Variants in WDFY4 observed in about 807,000 individuals in gnomAD.
WDFY4 encodes the protein WD repeat- and FYVE domain-containing protein 4.
Under a neutral mutation model 351.9 loss-of-function variants are expected in WDFY4, and 169 were observed. The ratio of observed to expected loss-of-function variants is 0.48; its 90% confidence interval spans 0.42 to 0.55. The LOEUF (loss-of-function observed/expected upper bound fraction) is 0.55. Ranked by LOEUF, WDFY4 falls within the 20% of genes least tolerant of loss-of-function variation. WDFY4 has a pLI of 0.00. For synonymous variants in WDFY4, 1,622 were observed against 1,574.6 expected (o/e 1.03, Z -0.71); for missense variants, 3,803 against 3,935.6 (o/e 0.97, Z 0.90).
At chr10:48,808,891 G>T (rs2067346242) in intron 28 of WDFY4, among the ~76,000 whole-genome samples, 1 of 152,186 alleles carries the variant, frequency 6.6e-6, no homozygotes, top group Non-Finnish European at 1.5e-5. Context: ...CTTAAGCCCT[G>T]TATGCCTCTC....
At chr10:48,905,066 T>C (rs1837549139) in intron 47 of WDFY4, among the ~76,000 whole-genome samples, 1 of 152,222 alleles carries the variant, frequency 6.6e-6, no homozygotes, top group African/African-American at 2.4e-5. Context: ...TGGGCTCCAT[T>C]GTCTCTGCAG....
chr10:48,711,176 G>C (rs117313508), intron 2 of WDFY4, among the ~76,000 whole-genome samples: 41 of 152,286 alleles, frequency 2.7e-4, no homozygotes, highest in African/African-American at 6.3e-4. Flanking sequence ...TTAGAATCTT[G>C]TTGGGAACAC....
intron 40 of WDFY4, among the ~76,000 whole-genome samples, chr10:48,871,028 G>A (rs374493285): frequency 7.9e-5 from 12 of 152,134 alleles, no homozygotes; most frequent in South Asian, 2.1e-4. Context: ...CCGCCTTCCC[G>A]GTTCACACCA....
chr10:48,770,446 G>A (rs949576196), intron 13 of WDFY4, among the ~76,000 whole-genome samples: 1 of 152,172 alleles, frequency 6.6e-6, no homozygotes, highest in African/African-American at 2.4e-5. Flanking sequence ...AATACATTGT[G>A]ATGTTATTTT....
intron 4 of WDFY4, among the ~76,000 whole-genome samples, chr10:48,721,916 A>T (rs1219684884): frequency 6.6e-6 from 1 of 152,088 alleles, no homozygotes; most frequent in Non-Finnish European, 1.5e-5. Flanking sequence ...CCCTGTAGGT[A>T]CCTGTCTCGC....
intron 47 of WDFY4, among the ~76,000 whole-genome samples, chr10:48,928,778 C>T (rs1398182651): frequency 6.6e-6 from 1 of 152,202 alleles, no homozygotes; most frequent in Non-Finnish European, 1.5e-5. Context: ...GACCGCCTAT[C>T]ACCTGGGAAG....
At chr10:48,734,362 G>A (rs989699542) in intron 10 of WDFY4, among the ~76,000 whole-genome samples, 1 of 151,860 alleles carries the variant, frequency 6.6e-6, no homozygotes, top group Non-Finnish European at 1.5e-5. Flanking sequence ...TTTTTTTTTA[G>A]ATCCAAAGAG....
chr10:48,887,141 G>C (rs550601223), intron 43 of WDFY4, among the ~76,000 whole-genome samples: 2 of 152,342 alleles, frequency 1.3e-5, no homozygotes, highest in South Asian at 4.1e-4. Context: ...CTTCCCAAAG[G>C]GAAGCACCAG....
chr10:48,729,683 C>A lies in WDFY4; in HGVS notation c.1129+94C>A, dbSNP rs1035074042. On this transcript the variant is annotated intron_variant, in intron 8 of 61. Coordinates refer to ENST00000325239, the MANE Select transcript of WDFY4 (RefSeq NM_001394531.1). Reference sequence around the variant, plus strand: ...TTCTCCTGATTCTTTGTGTACCTTTCAATGGTGCAGTAGGCTCTGATTCTG... The same window carrying A: ...TTCTCCTGATTCTTTGTGTACCTTTAAATGGTGCAGTAGGCTCTGATTCTG... The A allele has an allele frequency of 4.8e-6, 7 of 1,450,890 alleles. No individual in the cohort carries two copies. In the East Asian group the frequency reaches 1.2e-4, roughly 26 times the overall value. The allele number at this position is 1,450,890 out of a possible 1,614,324, so 89.9% of individuals were successfully genotyped here.
intron 20 of WDFY4, among the ~76,000 whole-genome samples, chr10:48,787,953 T>TCTTCTC (rs2066529614): frequency 1.1e-5 from 1 of 93,540 alleles, no homozygotes; most frequent in East Asian, 4.6e-4. Context: ...TTCTTCTTCT[T>TCTTCTC]CTTCTTCTTC....
At chr10:48,787,923 TC>T (rs1415008282) in intron 20 of WDFY4, among the ~76,000 whole-genome samples, 3 of 76,222 alleles carry the variant, frequency 3.9e-5, no homozygotes, top group Admixed American at 1.5e-4. Flanking sequence ...TTCTTCTTCT[TC>T]TTCTTCTTCT....
chr10:48,871,038 A>G (rs963842228), intron 40 of WDFY4, among the ~76,000 whole-genome samples: 2 of 151,774 alleles, frequency 1.3e-5, no homozygotes, highest in African/African-American at 4.8e-5. Context: ...GGTTCACACC[A>G]TTCTCCTGCC....
chr10:48,786,846 A>G lies in WDFY4; in HGVS notation c.3784A>G (p.Asn1262Asp). The change falls in exon 20 of 62, where the codon AAC becomes GAC. Residue 1262 changes from asparagine (N) to aspartate (D), a missense_variant. By Grantham distance (23) the Asn-to-Asp change is conservative. Around this residue, in one of 3 missense-constraint regions of WDFY4, gnomAD observed 3,054 missense variants for 3,148.6 expected, o/e 0.97. Coordinates refer to ENST00000325239, the MANE Select transcript of WDFY4 (RefSeq NM_001394531.1). The stretch of plus-strand genomic sequence containing the variant: ...CAAACTTGGCCCAAGATATTGTGGT[A>G]ACTTCCAAGCTGTGCATGTCCAAGG... ...INKLGPRYCG[N>D]FQAVHVQGED... 6.4e-7 allele frequency: 1 copy of G among 1,552,090 alleles called. No individual in the cohort carries two copies. Among genetic ancestry groups the G allele is most frequent in the Non-Finnish European group, 8.7e-7 (1 of 1,147,058 alleles).
chr10:48,765,726 C>T (rs1429325882), intron 13 of WDFY4, among the ~76,000 whole-genome samples: 6 of 152,286 alleles, frequency 3.9e-5, no homozygotes, highest in Non-Finnish European at 8.8e-5. Flanking sequence ...TTACCTTTCT[C>T]ATAGGGAAGT....
intron 1 of WDFY4, among the ~76,000 whole-genome samples, chr10:48,704,356 TCCAACCTGGCTG>T (rs2063564932): frequency 6.6e-6 from 1 of 152,102 alleles, no homozygotes; most frequent in Non-Finnish European, 1.5e-5. Context: ...GAGCAGAGCT[TCCAACCTGGCTG>T]GTCAGGGATG....
At chr10:48,825,045 A>G (rs1589696639) in intron 35 of WDFY4, among the ~76,000 whole-genome samples, 1 of 152,122 alleles carries the variant, frequency 6.6e-6, no homozygotes, top group East Asian at 1.9e-4. Context: ...TGCTGCACCT[A>G]TCAATGCATC....
intron 43 of WDFY4, among the ~76,000 whole-genome samples, chr10:48,879,050 C>A (rs1236890719): frequency 2.0e-5 from 3 of 152,180 alleles, no homozygotes; most frequent in Non-Finnish European, 4.4e-5. Context: ...AACGGCAGAT[C>A]ATAACAGTTG....
Position 48,826,739 on chromosome 10 carries a change from C to T in WDFY4, c.6051C>T (p.Val2017=), listed in dbSNP as rs546967261. 6.4e-7 allele frequency: 1 copy of T among 1,551,790 alleles called. No individual in the cohort carries two copies. Among genetic ancestry groups the T allele is most frequent in the Non-Finnish European group, 8.7e-7 (1 of 1,147,006 alleles). ...LSTLYSSLNK[V]ILYCLSKPQQ... is the part of the protein sequence containing the mutation. ...CTTTATACAGCAGTTTAAATAAAGT[C>T]ATTCTTTATTGCCTATCCAAGCCCC... Residue 2017 remains valine, a synonymous_variant, in exon 36 of 62, where the codon GTC becomes GTT. Coordinates refer to ENST00000325239, the MANE Select transcript of WDFY4 (RefSeq NM_001394531.1).
intron 2 of WDFY4, among the ~76,000 whole-genome samples, chr10:48,711,631 A>G (rs2063769959): frequency 2.0e-5 from 3 of 152,106 alleles, no homozygotes; most frequent in Admixed American, 2.0e-4. Context: ...TTGAGAGTTC[A>G]TTTGTTTGTT....
Sources: allele counts gnomAD v4.1 joint callset (sites outside exome capture counted in the v4.1 genomes callset), GRCh38; gene constraint gnomAD v4.1.1; regional missense constraint gnomAD v4.1.1; transcripts MANE v1.5; gene names NCBI Gene and HGNC (gene_info 2026-07-23, HGNC 2026-07-21).